Variants in CPS1 observed in about 807,000 individuals in gnomAD.
CPS1 encodes carbamoyl-phosphate synthase [ammonia], mitochondrial.
Under a neutral mutation model 174.6 loss-of-function variants are expected in CPS1, and 109 were observed. That is an observed-to-expected ratio of 0.62 (90% CI 0.53 to 0.73). The LOEUF (loss-of-function observed/expected upper bound fraction) is 0.73. CPS1 is among the 30% of genes least tolerant of loss of function. The pLI is 0.00. For missense variants in CPS1, 1,689 were observed against 1,821.9 expected, an observed-to-expected ratio of 0.93 and a Z score of 1.33; for synonymous variants, 637 against 632.0, an observed-to-expected ratio of 1.01 and a Z score of -0.12.
chr2:210,507,772 T>A (rs1380993731), intron 1 of CPS1, among the ~76,000 whole-genome samples: 10 of 151,864 alleles, frequency 6.6e-5, no homozygotes, highest in East Asian at 3.9e-4. Context: ...AGATCAAAAG[T>A]GACAAAGAAG....
chr2:210,671,700 A>G (rs1180437404), intron 34 of CPS1: 1 of 152,164 alleles, frequency 6.6e-6, no homozygotes, highest in African/African-American at 2.4e-5. Context: ...TAATGTGCCT[A>G]TGGAAGCCAA....
intron 28 of CPS1, among the ~76,000 whole-genome samples, chr2:210,653,242 A>G (rs769406219): frequency 2.0e-5 from 3 of 152,142 alleles, no homozygotes; most frequent in Non-Finnish European, 2.9e-5. Context: ...GTTTTAGCCT[A>G]TGGTACAGAG....
intron 1 of CPS1, among the ~76,000 whole-genome samples, chr2:210,564,566 C>G (rs1243556241): frequency 6.6e-6 from 1 of 151,910 alleles, no homozygotes; most frequent in African/African-American, 2.4e-5. Context: ...TTAGTAGAGA[C>G]GGGGTTTCAC....
At chr2:210,677,402 A>G (rs1701569570) in intron 37 of CPS1, among the ~76,000 whole-genome samples, 1 of 152,262 alleles carries the variant, frequency 6.6e-6, no homozygotes, top group Non-Finnish European at 1.5e-5. Flanking sequence ...AAAAAGTGAC[A>G]GCATGACATG....
At chr2:210,608,319 A>G in intron 18 of CPS1, 42 bp from the exon 19 acceptor site, 1 of 1,591,758 alleles carries the variant, frequency 6.3e-7, no homozygotes, top group Non-Finnish European at 8.6e-7. Flanking sequence ...GTTTTCAATA[A>G]TTGCTCGAAG....
chr2:210,593,801 T>A, intron 11 of CPS1: 1 of 403,426 alleles, frequency 2.5e-6, no homozygotes, highest in Non-Finnish European at 3.4e-6. Context: ...TATTGGTTCT[T>A]AATAGCCAAA....
upstream of CPS1, chr2:210,556,275 A>G (rs1330737908): frequency 6.7e-6 from 3 of 446,626 alleles, no homozygotes; most frequent in African/African-American, 2.0e-5. Context: ...TGGGAATCCA[A>G]AATCTCTTAT....
At position 210,675,799 on chromosome 2, in the gene CPS1, G is replaced by A. The variant is rs760775513; in HGVS notation, c.4233G>A (p.Pro1411=). The change falls in exon 36 of 38, where the codon CCG becomes CCA. Residue 1411 remains proline (P), a synonymous_variant. Transcript: ENST00000233072. ...NNVPATPVAW[P]SQEGQNPSLS... is the part of the protein sequence containing the mutation. ...TCCCTGCCACCCCAGTGGCATGGCC[G>A]TCTCAAGAAGGACAGAATCCCAGCC... is the stretch of plus-strand genomic sequence containing the variant. 2.9e-5 allele frequency: 47 copies of A among 1,599,576 alleles called. No individual in the cohort carries two copies. Among genetic ancestry groups the A allele is most frequent in the East Asian group, 2.7e-4 (12 of 44,838 alleles).
chr2:210,661,312 C>T (rs978277927), intron 32 of CPS1, among the ~76,000 whole-genome samples: 2 of 152,096 alleles, frequency 1.3e-5, no homozygotes, highest in Non-Finnish European at 2.9e-5. Context: ...AGAATTATGA[C>T]CTTTAACTAC....
intron 11 of CPS1, chr2:210,593,340 G>T (rs1698374155): frequency 8.8e-7 from 1 of 1,131,986 alleles, no homozygotes; most frequent in Non-Finnish European, 1.1e-6. Context: ...AAATCCCTAT[G>T]GCAACTGGTT....
chr2:210,549,614 A>T (rs1206854981), intron 1 of CPS1, among the ~76,000 whole-genome samples: 2 of 152,048 alleles, frequency 1.3e-5, no homozygotes, highest in Admixed American at 6.6e-5. Flanking sequence ...GTCTACTAAC[A>T]GCTTTAGATC....
rs1698640284 is a variant in CPS1, at chr2:210,599,684, GA to G, written c.1549+126del. 7.5e-6 allele frequency: 8 copies of G among 1,069,982 alleles called. No homozygotes were observed. The South Asian group carries it at 1.1e-4, about 14-fold the overall frequency. 66.3% of individuals were successfully genotyped at this position (1,069,982 alleles called of 1,614,324 possible). The stretch of plus-strand genomic sequence containing the variant: ...ATAAAACCTTTCCTCTACTGTGTGA[GA>G]AAGCAGTTAGCAAACAGCCACTTAA... On this transcript the variant is annotated intron_variant, in intron 14 of 37. Coordinates refer to ENST00000233072, the MANE Select transcript of CPS1 (RefSeq NM_001875.5).
chr2:210,628,748 C>T (rs938677576), intron 21 of CPS1, among the ~76,000 whole-genome samples: 2 of 151,120 alleles, frequency 1.3e-5, no homozygotes, highest in African/African-American at 2.4e-5. Context: ...TGCAGTGAGC[C>T]AAGATCACGC....
chr2:210,555,383 G>A (rs1696881641), upstream of CPS1, among the ~76,000 whole-genome samples: 1 of 151,750 alleles, frequency 6.6e-6, no homozygotes, highest in African/African-American at 2.4e-5. Context: ...TTGCATTTGG[G>A]CAACTTTCAT....
At chr2:210,527,814 T>G (rs1696015477) in intron 1 of CPS1, among the ~76,000 whole-genome samples, 1 of 151,858 alleles carries the variant, frequency 6.6e-6, no homozygotes, top group Non-Finnish European at 1.5e-5. Flanking sequence ...AATAAATGAA[T>G]AAACAGAGAA....
chr2:210,644,315 G>T (rs1700311738), intron 25 of CPS1, among the ~76,000 whole-genome samples: 1 of 151,926 alleles, frequency 6.6e-6, no homozygotes, highest in Non-Finnish European at 1.5e-5. Flanking sequence ...GTAGACAATG[G>T]TACTTCTGTC....
intron 1 of CPS1, among the ~76,000 whole-genome samples, chr2:210,511,772 A>C (rs1274215231): frequency 6.6e-6 from 1 of 152,108 alleles, no homozygotes; most frequent in African/African-American, 2.4e-5. Context: ...CAATTCCTGA[A>C]TGAGGGAGGA....
At chr2:210,593,003 A>T (rs746888901) in intron 11 of CPS1, 47 bp downstream of exon 11, 1 of 1,534,914 alleles carries the variant, frequency 6.5e-7, no homozygotes, top group Non-Finnish European at 9.0e-7. Context: ...AAAAAAATGT[A>T]TTTGTGTGGA....
intron 1 of CPS1, among the ~76,000 whole-genome samples, chr2:210,503,578 G>A (rs1057162310): frequency 6.6e-6 from 1 of 151,824 alleles, no homozygotes; most frequent in Non-Finnish European, 1.5e-5. Flanking sequence ...ACCACTGTTT[G>A]TAAACTGGTT....
Sources: gnomAD v4.1 joint callset for allele counts (sites outside exome capture counted in the v4.1 genomes callset) on GRCh38, gnomAD v4.1.1 for gene constraint, MANE v1.5 for transcripts, NCBI Gene and HGNC (gene_info 2026-07-23, HGNC 2026-07-21) for gene names.